RAPH1: variants seen among roughly 807,000 people sequenced by gnomAD.
RAPH1 encodes ras-associated and pleckstrin homology domains-containing protein 1.
Under a neutral mutation model 88.1 loss-of-function variants are expected in RAPH1, and 18 were observed. That is an observed-to-expected ratio of 0.20 (90% CI 0.14 to 0.30). RAPH1 has a LOEUF of 0.30. Among genes scored for constraint, RAPH1 ranks in the 10% least tolerant of loss-of-function variants. The pLI, the probability that RAPH1 is intolerant of heterozygous loss-of-function variation, is 1.00. For missense variants in RAPH1, 1,448 were observed against 1,543.2 expected (o/e 0.94, Z 1.03); for synonymous variants, 587 against 559.0 (o/e 1.05, Z -0.71).
chr2:203,458,157 G>A (rs994228036), intron 7 of RAPH1, among the ~76,000 whole-genome samples: 13 of 152,116 alleles, frequency 8.5e-5, no homozygotes, highest in African/African-American at 3.1e-4. Context: ...GGATCACGAG[G>A]TCAGAAGTTC....
chr2:203,518,135 G>GA (rs1382772458), intron 1 of RAPH1, among the ~76,000 whole-genome samples: 1 of 151,450 alleles, frequency 6.6e-6, no homozygotes, highest in Admixed American at 6.6e-5. Context: ...GCTTAACTAA[G>GA]AAAAAAAAGA....
intron 1 of RAPH1, among the ~76,000 whole-genome samples, chr2:203,517,359 C>CAAAAAAAAAAAAA (rs71408943): frequency 3.7e-3 from 118 of 31,976 alleles, no homozygotes; most frequent in Admixed American, 4.4e-3. Flanking sequence ...CTATGAGAGG[C>CAAAAAAAAAAAAA]AAAAAAAAAA....
At chr2:203,462,910 A>T (rs1179192478) in intron 4 of RAPH1, among the ~76,000 whole-genome samples, 3 of 152,034 alleles carry the variant, frequency 2.0e-5, no homozygotes, top group African/African-American at 7.2e-5. Context: ...AGAAAAATAA[A>T]AACTTTTTGG....
chr2:203,504,910 T>C (rs1477840641), intron 1 of RAPH1, among the ~76,000 whole-genome samples: 1 of 152,188 alleles, frequency 6.6e-6, no homozygotes, highest in African/African-American at 2.4e-5. Flanking sequence ...TAAAACATAA[T>C]GAGAGTCACC....
intron 2 of RAPH1, among the ~76,000 whole-genome samples, chr2:203,491,757 C>T (rs1039415958): frequency 2.0e-5 from 3 of 152,204 alleles, no homozygotes; most frequent in Non-Finnish European, 4.4e-5. Flanking sequence ...ATCTGCCCAC[C>T]TCCATCTCCC....
In RAPH1 at chr2:203,437,669, A is replaced by G. The variant is rs1489750033; in HGVS notation, c.*1768T>C. The G allele has an allele frequency of 6.5e-6, 1 of 153,558 alleles. No homozygotes were observed. The highest frequency in any genetic ancestry group is 1.4e-5 in the Non-Finnish European group (1 of 69,106). 9.5% of individuals were successfully genotyped at this position (153,558 alleles called of 1,614,324 possible). ...GAGAGGTGCTGTTCACTCTCTGTTT[A>G]CGATGCGGTTTTCGTGGAGTGTGGG... On this transcript the variant is annotated 3_prime_UTR_variant, in exon 14 of 14. Transcript: ENST00000319170.
At chr2:203,509,669 C>T (rs1017595525) in intron 1 of RAPH1, among the ~76,000 whole-genome samples, 1 of 152,164 alleles carries the variant, frequency 6.6e-6, no homozygotes, top group African/African-American at 2.4e-5. Flanking sequence ...ATATCCCCCA[C>T]TGATATAGTT....
At chr2:203,509,534 T>G (rs1224326201) in intron 1 of RAPH1, among the ~76,000 whole-genome samples, 1 of 152,204 alleles carries the variant, frequency 6.6e-6, no homozygotes, top group Non-Finnish European at 1.5e-5. Context: ...AAAACTGTGT[T>G]ACTTTTGTTA....
chr2:203,480,994 G>A (rs114063830), intron 4 of RAPH1, among the ~76,000 whole-genome samples: 157 of 152,234 alleles, frequency 1.0e-3, no homozygotes, highest in African/African-American at 2.7e-3. Context: ...ATATTACTAC[G>A]AAGAGTGGGA....
intron 4 of RAPH1, among the ~76,000 whole-genome samples, chr2:203,478,284 T>C (rs1453676646): frequency 2.0e-5 from 3 of 152,140 alleles, no homozygotes; most frequent in Non-Finnish European, 4.4e-5. Flanking sequence ...TCCGCCCTCC[T>C]TGGCCTCCCA....
chr2:203,461,510 A>G, intron 5 of RAPH1, 102 bp from the exon 6 acceptor site: 2 of 876,608 alleles, frequency 2.3e-6, no homozygotes, highest in Non-Finnish European at 3.2e-6. Context: ...GTATTTGTAT[A>G]TAAATTAAAA....
rs139432724 is a variant in RAPH1 at position 203,483,709 on chromosome 2, T to G, written c.732+5875A>C. 5.9e-4 allele frequency among the ~76,000 whole-genome samples: 90 copies of G among 152,314 alleles called. 1 individual carries two copies. The highest frequency in any genetic ancestry group is 3.4e-3 in the Middle Eastern group (1 of 294). ...GAGTGGGGAAGATCCATCCTCATTG[T>G]GGGTAGGCACTATCCAATTGACTGA... On this transcript the variant is annotated intron_variant, in intron 4 of 13. Coordinates refer to ENST00000319170, the MANE Select transcript of RAPH1 (RefSeq NM_213589.3).
In RAPH1 at chr2:203,495,259, A is replaced by C. The variant is rs1688461283; in HGVS notation, c.95T>G (p.Leu32Arg). The change falls in exon 2 of 14, where the codon CTT (leucine) becomes CGT (arginine). Residue 32 changes from leucine (L) to arginine (R), a missense_variant. Around this residue, in one of 2 missense-constraint regions of RAPH1, gnomAD observed 513 missense variants for 653.1 expected, o/e 0.79. Coordinates refer to ENST00000319170, the MANE Select transcript of RAPH1 (RefSeq NM_213589.3). Reference protein sequence around the residue: ...QDLDKMFGAWLGELDKLTQSL... With the variant: ...QDLDKMFGAWRGELDKLTQSL... ...CTGAGTGAGTTTGTCTAGTTCTCCAAGCCAGGCTCCAAACATTTTGTCCAG... is the reference window on the plus strand; with the variant it reads ...CTGAGTGAGTTTGTCTAGTTCTCCACGCCAGGCTCCAAACATTTTGTCCAG... 5 of 1,614,106 alleles carry C rather than the reference A, an allele frequency of 3.1e-6. No homozygotes were observed. The African/African-American group carries it at 6.7e-5, about 22-fold the overall frequency.
At chr2:203,487,117 A>C (rs534247592) in intron 4 of RAPH1, among the ~76,000 whole-genome samples, 1 of 152,194 alleles carries the variant, frequency 6.6e-6, no homozygotes, top group Non-Finnish European at 1.5e-5. Flanking sequence ...CACATTTTAC[A>C]GACAGAAAGA....
intron 4 of RAPH1, among the ~76,000 whole-genome samples, chr2:203,481,901 C>T (rs960240234): frequency 9.2e-5 from 14 of 151,412 alleles, no homozygotes; most frequent in Non-Finnish European, 1.8e-4. Context: ...TGCACCAGGC[C>T]ACATGAATAT....
chr2:203,485,089 C>T (rs1037995132), intron 4 of RAPH1, among the ~76,000 whole-genome samples: 8 of 152,062 alleles, frequency 5.3e-5, no homozygotes, highest in African/African-American at 1.9e-4. Context: ...TTAAAGAACA[C>T]GTTCATGCTC....
rs1274500449 is a variant in RAPH1, at chr2:203,506,748, A to ATATATC, written c.1-11396_1-11395insGATATA. On this transcript the variant is annotated intron_variant, in intron 1 of 13. Transcript: ENST00000319170. ...TCCATATATAGATATATATCTATAT[A>ATATATC]TATATATATCTATATATATATCTAT... Among the ~76,000 whole-genome samples the ATATATC allele has an allele frequency of 2.1e-4, 27 of 128,724 alleles. 2 individuals carry two copies. Among genetic ancestry groups the ATATATC allele is most frequent in the Admixed American group, 4.7e-4 (6 of 12,860 alleles). The allele number at this position is 128,724 out of a possible 152,430, so 84.4% of individuals were successfully genotyped here. A position where few individuals can be genotyped will look rare whatever the true frequency, so the allele number is the denominator to read the frequency against.
chr2:203,489,699 T>A lies in RAPH1; in HGVS notation c.617A>T (p.Asn206Ile), dbSNP rs1475305900. 1 of 1,614,114 alleles carries A rather than the reference T, an allele frequency of 6.2e-7. No individual in the cohort carries two copies. Among genetic ancestry groups the A allele is most frequent in the South Asian group, 1.1e-5 (1 of 91,066 alleles). Residue 206 changes from asparagine to isoleucine, a missense_variant, in exon 4 of 14, where the codon AAT (asparagine) becomes ATT (isoleucine). This residue lies in a region of RAPH1 where 513 missense variants were observed against 653.1 expected (regional missense o/e 0.79). Coordinates refer to ENST00000319170, the MANE Select transcript of RAPH1 (RefSeq NM_213589.3). The stretch of plus-strand genomic sequence containing the variant: ...GGAAGTGATGCTGGAATGGGAGGAA[T>A]TACTAATAGAGTGTACTTCAGCATC... ...VSDAEVHSIS[N>I]SSHSSITSAA...
intron 4 of RAPH1, among the ~76,000 whole-genome samples, chr2:203,486,374 T>G: frequency 6.6e-6 from 1 of 152,126 alleles, no homozygotes; most frequent in East Asian, 1.9e-4. Context: ...GAATATGAGC[T>G]CAATCAAAAT....
Sources: allele counts gnomAD v4.1 joint callset (sites outside exome capture counted in the v4.1 genomes callset), GRCh38; gene constraint gnomAD v4.1.1; regional missense constraint gnomAD v4.1.1; transcripts MANE v1.5; gene names NCBI Gene and HGNC (gene_info 2026-07-23, HGNC 2026-07-21).